The following COLGALT2 variants were observed in gnomAD, a reference collection of about 807,000 sequenced individuals.
COLGALT2 encodes collagen beta(1-O)galactosyltransferase 2.
Under a neutral mutation model 73.4 loss-of-function variants are expected in COLGALT2, and 49 were observed. That is an observed-to-expected ratio of 0.67 (90% confidence interval 0.53 to 0.85). The LOEUF (loss-of-function observed/expected upper bound fraction) is 0.85, where lower values mean the gene tolerates loss of function less well. Among genes scored for constraint, COLGALT2 ranks in the 40% least tolerant of loss-of-function variants. The pLI, the probability that COLGALT2 is intolerant of heterozygous loss-of-function variation, is 0.00. For synonymous variants in COLGALT2, 295 were observed against 307.6 expected (o/e 0.96, Z 0.43); for missense variants, 722 against 790.2 (o/e 0.91, Z 1.03).
chr1:183,939,065 T>C, intron 11 of COLGALT2, 28 bp from the exon 12 acceptor site: 1 of 1,578,258 alleles, frequency 6.3e-7, no homozygotes, highest in Non-Finnish European at 8.7e-7. Flanking sequence ...GCCGGACACA[T>C]GAGGGGGCGG....
chr1:184,036,859 T>C (rs555831551), intron 1 of COLGALT2, among the ~76,000 whole-genome samples: 1 of 152,294 alleles, frequency 6.6e-6, no homozygotes, highest in South Asian at 2.1e-4. Context: ...AGCGGTCCGG[T>C]TCTCCCCATC....
intron 5 of COLGALT2, among the ~76,000 whole-genome samples, 194 bp downstream of exon 5, chr1:183,969,075 A>C (rs1191028993): frequency 6.6e-6 from 1 of 152,100 alleles, no homozygotes. Context: ...GGTAGAGGCC[A>C]GCCCTGGCTC....
At chr1:183,990,875 C>T (rs1463809450) in intron 1 of COLGALT2, among the ~76,000 whole-genome samples, 1 of 152,228 alleles carries the variant, frequency 6.6e-6, no homozygotes, top group Non-Finnish European at 1.5e-5. Context: ...GACCCCCTTT[C>T]CTGGGTCCCT....
chr1:183,949,368 A>G (rs1670334707), intron 8 of COLGALT2, among the ~76,000 whole-genome samples: 2 of 152,244 alleles, frequency 1.3e-5, no homozygotes, highest in South Asian at 4.1e-4. Context: ...TAGTACTGGC[A>G]TAAGGATAGA....
intron 1 of COLGALT2, among the ~76,000 whole-genome samples, chr1:183,985,190 A>C (rs879632083): frequency 6.6e-6 from 1 of 152,226 alleles, no homozygotes; most frequent in Non-Finnish European, 1.5e-5. Context: ...ATTGGTAAGC[A>C]TGGGGCCACT....
chr1:184,031,817 A>ATCCT (rs57492822), intron 1 of COLGALT2, among the ~76,000 whole-genome samples: 54,533 of 139,032 alleles, frequency 0.39, 12,294 homozygotes, highest in Non-Finnish European at 0.52. Flanking sequence ...CCATGAATGT[A>ATCCT]TCCTTCCTTC....
chr1:183,976,352 T>TTATAA (rs10683620), intron 2 of COLGALT2, among the ~76,000 whole-genome samples: 142,444 of 148,156 alleles, frequency 0.96, 68,592 homozygotes, highest in African/African-American at 0.99. Flanking sequence ...TATGTATATA[T>TTATAA]TATATCATAT....
At chr1:183,940,009 T>A (rs1670064372) in intron 11 of COLGALT2, among the ~76,000 whole-genome samples, 1 of 152,244 alleles carries the variant, frequency 6.6e-6, no homozygotes, top group Non-Finnish European at 1.5e-5. Context: ...GGTAAGCTCC[T>A]GGGCTATGGG....
intron 11 of COLGALT2, among the ~76,000 whole-genome samples, chr1:183,930,509 C>T (rs933457550): frequency 1.6e-4 from 24 of 151,834 alleles, no homozygotes; most frequent in African/African-American, 5.6e-4. Context: ...CAACCTCAGC[C>T]TCATGAGTAG....
intron 1 of COLGALT2, among the ~76,000 whole-genome samples, chr1:184,024,649 C>T (rs1201261989): frequency 6.9e-6 from 1 of 144,684 alleles, no homozygotes; most frequent in Non-Finnish European, 1.5e-5. Flanking sequence ...CCACACCCAG[C>T]CTCAGCTTTT....
chr1:184,023,987 G>A (rs2102856972), intron 1 of COLGALT2, among the ~76,000 whole-genome samples: 1 of 152,108 alleles, frequency 6.6e-6, no homozygotes, highest in African/African-American at 2.4e-5. Flanking sequence ...TAATCACCAA[G>A]GATTTGAGAC....
At chr1:183,980,970 A>C (rs1050799202) in intron 1 of COLGALT2, among the ~76,000 whole-genome samples, 1 of 152,198 alleles carries the variant, frequency 6.6e-6, no homozygotes, top group Admixed American at 6.5e-5. Context: ...AAAGGTCTTT[A>C]ACAAAATTCC....
intron 1 of COLGALT2, among the ~76,000 whole-genome samples, chr1:184,024,666 T>G (rs545405937): frequency 6.6e-6 from 1 of 151,218 alleles, no homozygotes; most frequent in South Asian, 2.1e-4. Flanking sequence ...TTTTTTTTTT[T>G]TTTTTTTCTG....
intron 1 of COLGALT2, among the ~76,000 whole-genome samples, chr1:184,025,069 C>T (rs1204435551): frequency 1.3e-5 from 2 of 152,238 alleles, no homozygotes; most frequent in Non-Finnish European, 2.9e-5. Context: ...CCCTTTAGTT[C>T]AATGGTATTC....
chr1:183,962,930 C>T (rs575053312), intron 6 of COLGALT2, among the ~76,000 whole-genome samples: 25 of 152,344 alleles, frequency 1.6e-4, no homozygotes, highest in African/African-American at 5.5e-4. Flanking sequence ...GGCTCCTGCC[C>T]ACTTTCTAGC....
intron 8 of COLGALT2, 172 bp from the exon 9 acceptor site, chr1:183,945,736 A>G (rs1487450832): frequency 1.4e-6 from 1 of 700,182 alleles, no homozygotes; most frequent in East Asian, 2.7e-5. Context: ...CACTAGTATT[A>G]TGAGGTCTGG....
chr1:183,998,890 T>C (rs190208973), intron 1 of COLGALT2, among the ~76,000 whole-genome samples: 548 of 152,242 alleles, frequency 3.6e-3, no homozygotes, highest in Non-Finnish European at 5.9e-3. Context: ...AGAAATGCAG[T>C]TGACTTTCAT....
At chr1:183,991,687 G>C (rs1671631639) in intron 1 of COLGALT2, among the ~76,000 whole-genome samples, 1 of 152,172 alleles carries the variant, frequency 6.6e-6, no homozygotes, top group Non-Finnish European at 1.5e-5. Flanking sequence ...CCTTCACATG[G>C]CGGTGGTGGG....
intron 2 of COLGALT2, among the ~76,000 whole-genome samples, chr1:183,976,870 G>A (rs1671209368): frequency 6.6e-6 from 1 of 152,184 alleles, no homozygotes; most frequent in Non-Finnish European, 1.5e-5. Context: ...TTAAGAATAG[G>A]TTTCTATAGT....
Sources: gnomAD v4.1 joint callset for allele counts (sites outside exome capture counted in the v4.1 genomes callset) on GRCh38, gnomAD v4.1.1 for gene constraint, MANE v1.5 for transcripts, NCBI Gene and HGNC (gene_info 2026-07-23, HGNC 2026-07-21) for gene names.